Variants in CLK4 observed in about 807,000 individuals in gnomAD.
CLK4 encodes CDC like kinase 4.
CLK4 carries 37 observed loss-of-function variants against 64.4 expected under a neutral mutation model. That is an observed-to-expected ratio of 0.57 (90% CI 0.44 to 0.76). CLK4 has a LOEUF of 0.76. Among genes scored for constraint, CLK4 ranks in the 30% least tolerant of loss-of-function variants. The pLI is 0.00. For synonymous variants in CLK4, 175 were observed against 191.6 expected, an observed-to-expected ratio of 0.91 and a Z score of 0.72; for missense variants, 457 against 605.1, an observed-to-expected ratio of 0.76 and a Z score of 2.57.
At chr5:178,623,482 T>C in intron 1 of CLK4, 66 bp from the exon 2 acceptor site, 3 of 1,258,014 alleles carry the variant, frequency 2.4e-6, no homozygotes, top group Middle Eastern at 2.3e-4. Context: ...TTATTATATA[T>C]TAATATTATT....
At chr5:178,620,603 T>C (rs1483665445) in intron 2 of CLK4, 3 of 456,038 alleles carry the variant, frequency 6.6e-6, no homozygotes, top group Non-Finnish European at 1.3e-5. Context: ...CCAGTGAATA[T>C]TTCACTATAG....
chr5:178,621,302 T>C (rs1470231323), intron 2 of CLK4, among the ~76,000 whole-genome samples: 2 of 152,136 alleles, frequency 1.3e-5, no homozygotes, highest in Non-Finnish European at 2.9e-5. Flanking sequence ...GTTTAAGACT[T>C]GATACTTTAT....
chr5:178,626,222 G>A (rs975906903), intron 1 of CLK4, among the ~76,000 whole-genome samples: 3 of 152,218 alleles, frequency 2.0e-5, no homozygotes, highest in African/African-American at 7.2e-5. Context: ...GCAAGACAAA[G>A]TGGCTGGCGA....
At chr5:178,608,731 C>T (rs777065619) in intron 9 of CLK4, among the ~76,000 whole-genome samples, 12 of 152,160 alleles carry the variant, frequency 7.9e-5, no homozygotes, top group Non-Finnish European at 1.5e-5. Context: ...ACAACCAATT[C>T]GTGCAAATAT....
chr5:178,619,844 T>A, intron 2 of CLK4: 1 of 1,253,112 alleles, frequency 8.0e-7, no homozygotes, highest in Admixed American at 2.3e-5. Flanking sequence ...CTACCTGGGA[T>A]GAGTGTCCTC....
In CLK4 at chr5:178,613,511, A is replaced by T. The variant is rs769142612; in HGVS notation, c.788T>A (p.Ile263Asn). 5.6e-6 allele frequency: 9 copies of T among 1,610,422 alleles called. No individual in the cohort carries two copies. In the South Asian group the frequency reaches 1.0e-4, roughly 18 times the overall value. ...NSFLPFQIDH[I>N]RQMAYQICQS... is the part of the protein sequence containing the mutation. ...GCAGATCTGATACGCCATCTGCCTGATGTGGTCAATTTGAAATGGCAGAAA... is the reference window on the plus strand; with the variant it reads ...GCAGATCTGATACGCCATCTGCCTGTTGTGGTCAATTTGAAATGGCAGAAA... Residue 263 changes from isoleucine (I) to asparagine (N), a missense_variant, in exon 7 of 13, where the codon ATC becomes AAC. Coordinates refer to ENST00000316308, the MANE Select transcript of CLK4 (RefSeq NM_020666.3).
intron 11 of CLK4, 174 bp downstream of exon 11, chr5:178,605,129 C>CAAA (rs10644053): frequency 2.3e-3 from 469 of 200,506 alleles, no homozygotes; most frequent in Middle Eastern, 0.01. Context: ...GACTCCATCT[C>CAAA]AAAAAAAAAA....
chr5:178,621,383 G>C (rs774184428), intron 2 of CLK4, among the ~76,000 whole-genome samples: 6 of 152,084 alleles, frequency 3.9e-5, no homozygotes, highest in Non-Finnish European at 8.8e-5. Context: ...ATGCAGAATG[G>C]ATTAACTAAG....
rs1764573143 is a variant in CLK4 at position 178,612,632 on chromosome 5, T to G, written c.922-87A>C. ...AAGGCCAGCACATGAATTATCTTCT[T>G]GATTGTCAAAGTAAGCTCATGAGAA... On this transcript the variant is annotated intron_variant, in intron 8 of 12. Transcript: ENST00000316308. The G allele has an allele frequency of 2.1e-6, 3 of 1,404,014 alleles. No homozygotes were observed. The African/African-American group carries it at 4.3e-5, about 20-fold the overall frequency. 87.0% of individuals were successfully genotyped at this position (1,404,014 alleles called of 1,614,324 possible).
At chr5:178,622,751 C>T (rs1270706399) in intron 2 of CLK4, 1 of 152,840 alleles carries the variant, frequency 6.5e-6, no homozygotes, top group Non-Finnish European at 1.5e-5. Context: ...CCCTTGGCCT[C>T]ATCTACAAAT....
chr5:178,613,938 T>C, intron 5 of CLK4, 95 bp from the exon 6 acceptor site: 2 of 788,974 alleles, frequency 2.5e-6, no homozygotes, highest in African/African-American at 1.7e-5. Context: ...CCAATTCCTC[T>C]ATGCCATTTA....
At chr5:178,624,221 G>A (rs865898569) in intron 1 of CLK4, among the ~76,000 whole-genome samples, 1 of 152,214 alleles carries the variant, frequency 6.6e-6, no homozygotes, top group African/African-American at 2.4e-5. Flanking sequence ...GGTGGCTCAT[G>A]CCTGTAATCC....
chr5:178,619,818 T>C, intron 2 of CLK4: 4 of 1,289,206 alleles, frequency 3.1e-6, no homozygotes, highest in Non-Finnish European at 4.0e-6. Flanking sequence ...ATTGGCCCAG[T>C]TTCCCGTCCC....
chr5:178,610,532 T>C lies in CLK4; in HGVS notation c.1051+1884A>G, dbSNP rs903837862. Among the ~76,000 whole-genome samples the C allele has an allele frequency of 2.0e-5, 3 of 152,180 alleles. No individual in the cohort carries two copies. In the East Asian group the frequency reaches 5.8e-4, roughly 30 times the overall value. ...ACAAAGGACCTTTCTATTCTCCCAA[T>C]CTCCTGATTCTTTCTCCTCAAGGCC... On this transcript the variant is annotated intron_variant, in intron 9 of 12. Transcript: ENST00000316308.
chr5:178,610,319 C>G (rs1764539315), intron 9 of CLK4, among the ~76,000 whole-genome samples: 1 of 151,956 alleles, frequency 6.6e-6, no homozygotes, highest in African/African-American at 2.4e-5. Context: ...ATTTTTCAAC[C>G]ACTCCTATCT....
At chr5:178,611,164 A>G (rs1186147286) in intron 9 of CLK4, among the ~76,000 whole-genome samples, 1 of 152,180 alleles carries the variant, frequency 6.6e-6, no homozygotes, top group African/African-American at 2.4e-5. Flanking sequence ...TGATATACCA[A>G]TAACAAAGAA....
At chr5:178,623,156 G>T in intron 2 of CLK4, 100 bp downstream of exon 2, 1 of 1,164,272 alleles carries the variant, frequency 8.6e-7, no homozygotes, top group South Asian at 1.3e-5. Context: ...TTTGTTGACT[G>T]AATTATAAAA....
rs114909635 is a variant in CLK4 at position 178,618,846 on chromosome 5, T to C, written c.162-68A>G. The C allele has an allele frequency of 2.5e-3, 3,257 of 1,293,118 alleles. 56 individuals are homozygous for C. The African/African-American group carries it at 0.044, about 17-fold the overall frequency. The allele number at this position is 1,293,118 out of a possible 1,614,324, so 80.1% of individuals were successfully genotyped here. On this transcript the variant is annotated intron_variant, in intron 2 of 12. Coordinates refer to ENST00000316308, the MANE Select transcript of CLK4 (RefSeq NM_020666.3). ...GCAATAATGTGGTTCAAACAAAACA[T>C]TTTCTCAGAAATTCTTAAACAGCTA...
chr5:178,613,346 G>A (rs1051058539), intron 7 of CLK4, 127 bp downstream of exon 7: 23 of 526,828 alleles, frequency 4.4e-5, no homozygotes, highest in Non-Finnish European at 5.9e-5. Flanking sequence ...GCGTGAACCC[G>A]GGAGGCTGAG....
Sources: gnomAD v4.1 joint callset for allele counts (sites outside exome capture counted in the v4.1 genomes callset) on GRCh38, gnomAD v4.1.1 for gene constraint, MANE v1.5 for transcripts, NCBI Gene and HGNC (gene_info 2026-07-23, HGNC 2026-07-21) for gene names.